Variants in TDRD5 observed in about 807,000 individuals in gnomAD.
The protein encoded by TDRD5 is tudor domain-containing protein 5.
A neutral mutation model predicts 120.6 loss-of-function variants in TDRD5; 41 were observed. That is an observed-to-expected ratio of 0.34 (90% confidence interval 0.26 to 0.44). TDRD5 has a LOEUF of 0.44. Ranked by LOEUF, TDRD5 falls within the 20% of genes least tolerant of loss-of-function variation. TDRD5 has a pLI of 1.00. For synonymous variants in TDRD5, 430 were observed against 433.7 expected, an observed-to-expected ratio of 0.99 and a Z score of 0.11; for missense variants, 1,006 against 1,221.2, an observed-to-expected ratio of 0.82 and a Z score of 2.63.
intron 2 of TDRD5, 135 bp downstream of exon 2, chr1:179,592,982 G>T (rs1356415656): frequency 3.2e-6 from 3 of 932,452 alleles, no homozygotes; most frequent in Non-Finnish European, 4.7e-6. Context: ...AGACTCATAG[G>T]TGCTTTTGAG....
In TDRD5 at chr1:179,638,024, G is replaced by C. The variant is rs139525150; in HGVS notation, c.1521-1815G>C. ...GCCAACATTAACAAAGGAGTAAGTG[G>C]CGTGCGCTGGGAACAACAATAAGGA... On this transcript the variant is annotated intron_variant, in intron 9 of 17. Transcript: ENST00000444136. 6.3e-3 allele frequency among the ~76,000 whole-genome samples: 963 copies of C among 152,304 alleles called. 17 individuals carry two copies. The highest frequency in any genetic ancestry group is 0.022 in the African/African-American group (924 of 41,554).
chr1:179,654,050 T>C (rs548322461), intron 13 of TDRD5, 151 bp from the exon 14 acceptor site: 2 of 540,326 alleles, frequency 3.7e-6, no homozygotes, highest in Admixed American at 3.5e-5. Context: ...GGTAGCAGGA[T>C]GGGAAGACCT....
chr1:179,674,440 C>T (rs1680014297), intron 17 of TDRD5, among the ~76,000 whole-genome samples: 1 of 152,036 alleles, frequency 6.6e-6, no homozygotes, highest in Non-Finnish European at 1.5e-5. Context: ...GGATTCAGTT[C>T]ACTAGTATTT....
At chr1:179,683,478 C>A (rs1053612791) in intron 17 of TDRD5, among the ~76,000 whole-genome samples, 1 of 152,166 alleles carries the variant, frequency 6.6e-6, no homozygotes, top group African/African-American at 2.4e-5. Context: ...CTCTAATAGA[C>A]ACTATAGTTT....
intron 15 of TDRD5, 145 bp from the exon 16 acceptor site, chr1:179,663,203 G>A (rs1187753557): frequency 1.2e-5 from 11 of 906,284 alleles, no homozygotes; most frequent in African/African-American, 1.7e-5. Context: ...AAAGCAAGGA[G>A]GAAAGTCAAA....
At chr1:179,611,067 T>C (rs1178610808) in intron 4 of TDRD5, among the ~76,000 whole-genome samples, 4 of 151,454 alleles carry the variant, frequency 2.6e-5, no homozygotes, top group African/African-American at 9.7e-5. Flanking sequence ...TGTGATACTT[T>C]TTTTTTTTTT....
Position 179,595,777 on chromosome 1 carries a change from G to A in TDRD5, c.790G>A (p.Val264Met), listed in dbSNP as rs755979088. Residue 264 changes from valine to methionine, a missense_variant, in exon 4 of 18, where the codon GTG becomes ATG. Coordinates refer to ENST00000444136, the MANE Select transcript of TDRD5 (RefSeq NM_001199085.3). ...GGAAAAGACTTCCAAGTTAAATGTA[G>A]TGGAGACTTCAAGACTGAATCACAC... ...SMEKTSKLNV[V>M]ETSRLNHTEK... The A allele has an allele frequency of 1.2e-6, 2 of 1,613,676 alleles. No homozygotes were observed. The highest frequency in any genetic ancestry group is 1.7e-6 in the Non-Finnish European group (2 of 1,179,810).
At chr1:179,607,813 T>C (rs1172892437) in intron 4 of TDRD5, among the ~76,000 whole-genome samples, 1 of 151,894 alleles carries the variant, frequency 6.6e-6, no homozygotes, top group Non-Finnish European at 1.5e-5. Flanking sequence ...TACTAAAATA[T>C]TAAAAACATA....
chr1:179,641,391 G>A (rs184223677), intron 11 of TDRD5, among the ~76,000 whole-genome samples: 3 of 152,138 alleles, frequency 2.0e-5, no homozygotes, highest in Admixed American at 2.0e-4. Flanking sequence ...ATAGCCAGGC[G>A]TGGTGGTGGG....
chr1:179,633,995 C>T (rs1019990679), intron 7 of TDRD5, among the ~76,000 whole-genome samples: 2 of 151,786 alleles, frequency 1.3e-5, no homozygotes, highest in Non-Finnish European at 2.9e-5. Context: ...CACAGTGAAA[C>T]CCTGTCTCTA....
At chr1:179,671,225 A>G (rs548082375) in intron 17 of TDRD5, among the ~76,000 whole-genome samples, 2 of 152,300 alleles carry the variant, frequency 1.3e-5, no homozygotes, top group African/African-American at 2.4e-5. Flanking sequence ...TTGTACTACT[A>G]TCTTAATTAC....
intron 7 of TDRD5, among the ~76,000 whole-genome samples, chr1:179,632,073 A>AT (rs1343309133): frequency 6.6e-6 from 1 of 151,236 alleles, no homozygotes; most frequent in Admixed American, 6.6e-5. Flanking sequence ...CGCCCAGCTA[A>AT]TTTTTTGTAT....
intron 6 of TDRD5, among the ~76,000 whole-genome samples, chr1:179,621,642 G>A (rs759964940): frequency 3.3e-5 from 5 of 152,114 alleles, no homozygotes; most frequent in African/African-American, 7.2e-5. Context: ...GTATGTAGTA[G>A]TATAAAATAA....
At chr1:179,690,630 G>A in intron 17 of TDRD5, 66 bp from the exon 18 acceptor site, 1 of 1,557,896 alleles carries the variant, frequency 6.4e-7, no homozygotes, top group Non-Finnish European at 8.7e-7. Flanking sequence ...GAACTAGAAT[G>A]GGGGAGAGGA....
At chr1:179,637,347 C>T (rs1462653583) in intron 9 of TDRD5, among the ~76,000 whole-genome samples, 1 of 152,092 alleles carries the variant, frequency 6.6e-6, no homozygotes, top group Non-Finnish European at 1.5e-5. Context: ...CTTCTCTGGG[C>T]CTAGTTGTAT....
intron 17 of TDRD5, among the ~76,000 whole-genome samples, chr1:179,688,354 A>AGAATGTTGAATATTATCCCCCACTC (rs2147829259): frequency 6.6e-6 from 1 of 152,094 alleles, no homozygotes; most frequent in South Asian, 2.1e-4. Context: ...CTTTTCTTTA[A>AGAATGTTGAATATTATCCCCCACTC]GAATGTTGAA....
chr1:179,624,687 A>C (rs555314459), intron 6 of TDRD5, among the ~76,000 whole-genome samples: 2 of 152,330 alleles, frequency 1.3e-5, no homozygotes, highest in South Asian at 4.1e-4. Context: ...TTAACAAAAG[A>C]AACATAAATC....
At chr1:179,633,386 C>G (rs2102007580) in intron 7 of TDRD5, among the ~76,000 whole-genome samples, 1 of 151,682 alleles carries the variant, frequency 6.6e-6, no homozygotes, top group East Asian at 1.9e-4. Flanking sequence ...GAGTCTCGCT[C>G]TGTCACCCAG....
chr1:179,658,554 G>T (rs1679121869), intron 14 of TDRD5, among the ~76,000 whole-genome samples: 1 of 152,138 alleles, frequency 6.6e-6, no homozygotes, highest in African/African-American at 2.4e-5. Context: ...CATCTAAGTT[G>T]TCAACTATAT....
Sources: gnomAD v4.1 joint callset for allele counts (sites outside exome capture counted in the v4.1 genomes callset) on GRCh38, gnomAD v4.1.1 for gene constraint, MANE v1.5 for transcripts, NCBI Gene and HGNC (gene_info 2026-07-23, HGNC 2026-07-21) for gene names.